FLCN: variants seen among roughly 807,000 people sequenced by gnomAD.
The protein encoded by FLCN is BHD skin lesion fibrofolliculoma protein.
In FLCN, 22 loss-of-function variants were observed where a neutral mutation model predicts 62.5. The ratio of observed to expected loss-of-function variants is 0.35; its 90% CI spans 0.25 to 0.50. The LOEUF (loss-of-function observed/expected upper bound fraction) is 0.50, where lower values mean the gene tolerates loss of function less well. Ranked by LOEUF, FLCN falls within the 20% of genes least tolerant of loss-of-function variation. The pLI is 0.97. For missense variants in FLCN, 657 were observed against 778.0 expected, an observed-to-expected ratio of 0.84 and a Z score of 1.85; for synonymous variants, 319 against 310.0, an observed-to-expected ratio of 1.03 and a Z score of -0.30.
rs1597612729 is a variant in FLCN at position 17,226,206 on chromosome 17, G to C, written c.366C>G (p.Arg122=). Residue 122 remains arginine, a synonymous_variant, in exon 5 of 14, where the codon CGC becomes CGG. Coordinates refer to ENST00000285071, the MANE Select transcript of FLCN (RefSeq NM_144997.7). ...PSHPQLFSIV[R]QACVRSLSCE... ...AGCTCAGGCTCCGGACACAGGCCTG[G>C]CGGACAATGCTGAAGAGCTGGGGGT... 3 of 1,614,160 alleles carry C rather than the reference G, an allele frequency of 1.9e-6. No homozygotes were observed. Among genetic ancestry groups the C allele is most frequent in the Non-Finnish European group, 1.7e-6 (2 of 1,180,030 alleles).
At chr17:17,236,488 T>A (rs1042937534) in intron 1 of FLCN, among the ~76,000 whole-genome samples, 3 of 152,126 alleles carry the variant, frequency 2.0e-5, no homozygotes, top group Non-Finnish European at 4.4e-5. Flanking sequence ...TGGACTTCAA[T>A]CCACAAGCCA....
chr17:17,220,151 T>G (rs142459660), intron 8 of FLCN: 72 of 152,386 alleles, frequency 4.7e-4, no homozygotes, highest in African/African-American at 1.6e-3. Flanking sequence ...GCTCAAGTGA[T>G]CCTCCCAACG....
intron 6 of FLCN, 140 bp from the exon 7 acceptor site, chr17:17,222,801 G>A (rs965186623): frequency 1.5e-5 from 14 of 936,394 alleles, no homozygotes; most frequent in Non-Finnish European, 2.3e-5. Flanking sequence ...AGCACACAAA[G>A]TGCCACCAGT....
intron 3 of FLCN, 173 bp downstream of exon 3, chr17:17,231,621 C>T (rs2047424781): frequency 6.6e-6 from 1 of 152,406 alleles, no homozygotes; most frequent in African/African-American, 2.4e-5. Context: ...TCTGTCTTCG[C>T]TCCTGACAGG....
chr17:17,218,971 A>G, intron 9 of FLCN, 48 bp downstream of exon 9: 1 of 1,603,638 alleles, frequency 6.2e-7, no homozygotes, highest in Non-Finnish European at 8.5e-7. Flanking sequence ...ACAGCCCATG[A>G]CTGGCTCTCC....
chr17:17,212,501 A>G lies in FLCN; in HGVS notation c.*1154T>C, dbSNP rs1011380772. 33 of 160,846 alleles carry G rather than the reference A, an allele frequency of 2.1e-4. No homozygotes were observed. The East Asian group carries it at 2.7e-3, about 13-fold the overall frequency. The allele number at this position is 160,846 out of a possible 1,614,324, so 10.0% of individuals were successfully genotyped here. A position where few individuals can be genotyped will look rare whatever the true frequency, so the allele number is the denominator to read the frequency against. On this transcript the variant is annotated 3_prime_UTR_variant, in exon 14 of 14. Transcript: ENST00000285071. ...AAAAAAAAAAAAAAAAAAAAAAAAA[A>G]GGGCCAGGCACAGTGGCTCACGCTT...
chr17:17,215,311 C>T lies in FLCN; in HGVS notation c.1306G>A (p.Ala436Thr), dbSNP rs2144840565. ...IPPHVLSSEFAVIVEVHAAAR... is the reference protein window; with the variant it reads ...IPPHVLSSEFTVIVEVHAAAR... ...GCTGCGTGGACCTCCACGATGACAGCAAACTCTGTAACAACACAAGGCCCG... is the reference window on the plus strand; with the variant it reads ...GCTGCGTGGACCTCCACGATGACAGTAAACTCTGTAACAACACAAGGCCCG... Residue 436 changes from alanine (A) to threonine (T), a missense_variant, in exon 12 of 14, where the codon GCT becomes ACT. Physicochemically the swap from Ala to Thr is moderately conservative, Grantham distance 58. Coordinates refer to ENST00000285071, the MANE Select transcript of FLCN (RefSeq NM_144997.7). 6.2e-7 allele frequency: 1 copy of T among 1,613,952 alleles called. No individual in the cohort carries two copies. The highest frequency in any genetic ancestry group is 8.5e-7 in the Non-Finnish European group (1 of 1,180,018).
rs2046939618 is a variant in FLCN at position 17,216,810 on chromosome 17, A to G, written c.1176+259T>C. On this transcript the variant is annotated intron_variant, in intron 10 of 13. Transcript: ENST00000285071. This position sits in a 1 kb window ranked among gnomAD's most constrained non-coding sequence, Gnocchi z 4.0. ...TGTCTCCTACCGCATCCCACAAAGA[A>G]GCTTTTACCAAGACTGTGTCATATG... 6.6e-6 allele frequency among the ~76,000 whole-genome samples: 1 copy of G among 152,184 alleles called. No homozygotes were observed. Among genetic ancestry groups the G allele is most frequent in the Admixed American group, 6.5e-5 (1 of 15,278 alleles).
At chr17:17,226,140 T>C in intron 5 of FLCN, 36 bp downstream of exon 5, 1 of 1,613,420 alleles carries the variant, frequency 6.2e-7, no homozygotes, top group Non-Finnish European at 8.5e-7. Flanking sequence ...GCATGTGGGC[T>C]CCCACAGAGA....
intron 8 of FLCN, chr17:17,220,464 T>C (rs1201390662): frequency 6.6e-6 from 1 of 152,262 alleles, no homozygotes; most frequent in South Asian, 2.1e-4. Context: ...CGAAACTTCA[T>C]GGAGCCCTCA....
intron 13 of FLCN, among the ~76,000 whole-genome samples, chr17:17,214,101 C>T (rs2046832979): frequency 6.6e-6 from 1 of 151,946 alleles, no homozygotes; most frequent in Non-Finnish European, 1.5e-5. Flanking sequence ...GGGGCCTGTG[C>T]GCTTCCCACA....
intron 5 of FLCN, 131 bp from the exon 6 acceptor site, chr17:17,224,274 T>A: frequency 1.2e-6 from 1 of 815,782 alleles, no homozygotes; most frequent in Non-Finnish European, 2.0e-6. Flanking sequence ...AGTGGCACAG[T>A]GGGGGCCATG....
chr17:17,221,749 G>A, intron 7 of FLCN, 121 bp from the exon 8 acceptor site: 2 of 1,057,944 alleles, frequency 1.9e-6, no homozygotes, highest in Non-Finnish European at 2.8e-6. Context: ...CACCAGCAGG[G>A]CACAACCAGC....
chr17:17,217,626 C>T (rs899655184), intron 9 of FLCN: 8 of 313,108 alleles, frequency 2.6e-5, no homozygotes, highest in African/African-American at 1.1e-4. Context: ...GACATCCAGC[C>T]GTGTGCACAA....
At chr17:17,219,864 G>GT (rs1446310184) in intron 8 of FLCN, 5 of 153,622 alleles carry the variant, frequency 3.3e-5, no homozygotes, top group African/African-American at 1.2e-4. Flanking sequence ...GAGGGCGTAC[G>GT]TGTGCGGCTT....
chr17:17,215,258 C>T lies in FLCN; in HGVS notation c.1359G>A (p.Gly453=), dbSNP rs752677061. 1.2e-6 allele frequency: 2 copies of T among 1,614,186 alleles called. No homozygotes were observed. Among genetic ancestry groups the T allele is most frequent in the Admixed American group, 3.3e-5 (2 of 60,030 alleles). ...TGCTGAGAGACTGGTCATCCTCACA[C>T]CCCACAGGGTGGAGGGTGGAACGTG... ...AAARSTLHPV[G]CEDDQSLSKY... Residue 453 remains glycine (G), a synonymous_variant, in exon 12 of 14, where the codon GGG becomes GGA. Transcript: ENST00000285071.
At chr17:17,221,030 G>A (rs1348159776) in intron 8 of FLCN, 2 of 607,932 alleles carry the variant, frequency 3.3e-6, no homozygotes, top group African/African-American at 1.9e-5. Flanking sequence ...GGCCAAGACT[G>A]GCCCAGTGCT....
rs1241557031 is a variant in FLCN at position 17,213,153 on chromosome 17, C to T, written c.*502G>A. 6.2e-6 allele frequency: 2 copies of T among 320,802 alleles called. No homozygotes were observed. Among genetic ancestry groups the T allele is most frequent in the Non-Finnish European group, 1.2e-5 (2 of 170,422 alleles). 19.9% of individuals were successfully genotyped at this position (320,802 alleles called of 1,614,324 possible). A position where few individuals can be genotyped will look rare whatever the true frequency, so the allele number is the denominator to read the frequency against. On this transcript the variant is annotated 3_prime_UTR_variant, in exon 14 of 14. Coordinates refer to ENST00000285071, the MANE Select transcript of FLCN (RefSeq NM_144997.7). ...CAAAGTCTCTTGCGGAGCCCTAACT[C>T]AATCACTCAGTGACCAAGAGCTGGC...
chr17:17,221,037 T>C (rs2047069147), intron 8 of FLCN: 1 of 679,582 alleles, frequency 1.5e-6, no homozygotes, highest in Admixed American at 3.4e-5. Flanking sequence ...ACTGGCCCAG[T>C]GCTTCCAGGC....
Sources: allele counts gnomAD v4.1 joint callset (sites outside exome capture counted in the v4.1 genomes callset), GRCh38; gene constraint gnomAD v4.1.1; non-coding constraint Gnocchi (gnomAD v3.1); transcripts MANE v1.5; gene names NCBI Gene and HGNC (gene_info 2026-07-23, HGNC 2026-07-21).